Variants in OMA1 observed in about 807,000 individuals in gnomAD.
The protein encoded by OMA1 is metalloendopeptidase OMA1, mitochondrial.
Under a neutral mutation model 30.9 loss-of-function variants are expected in OMA1, and 38 were observed. The ratio of observed to expected loss-of-function variants is 1.23; its 90% CI spans 0.95 to 1.61. The LOEUF (loss-of-function observed/expected upper bound fraction) is 1.61, where lower values mean the gene tolerates loss of function less well. OMA1 is among the 40% of genes most tolerant of loss of function. The pLI, the probability that OMA1 is intolerant of heterozygous loss-of-function variation, is 0.00. For missense variants in OMA1, 461 were observed against 349.2 expected (o/e 1.32, Z -2.55); for synonymous variants, 173 against 121.9 (o/e 1.42, Z -2.76).
chr1:58,541,011 T>C (rs1277107365), intron 1 of OMA1, among the ~76,000 whole-genome samples: 9 of 151,964 alleles, frequency 5.9e-5, no homozygotes, highest in Admixed American at 6.5e-5. Context: ...TATAAATTCA[T>C]TGAAAAACAC....
At chr1:58,520,809 G>A (rs566313287) in intron 7 of OMA1, among the ~76,000 whole-genome samples, 4 of 151,868 alleles carry the variant, frequency 2.6e-5, no homozygotes, top group African/African-American at 9.7e-5. Flanking sequence ...AGATGTACAC[G>A]GCAAAAATTA....
chr1:58,510,920 G>A (rs12070503), intron 7 of OMA1, among the ~76,000 whole-genome samples: 27,048 of 151,922 alleles, frequency 0.18, 2,537 homozygotes, highest in Middle Eastern at 0.23. Flanking sequence ...CTAAGGAGGT[G>A]AAAGCCTTCT....
chr1:58,504,571 G>A (rs1013833524), intron 8 of OMA1, among the ~76,000 whole-genome samples: 10 of 151,632 alleles, frequency 6.6e-5, no homozygotes, highest in Non-Finnish European at 1.3e-4. Context: ...TTTCTTATTT[G>A]CATTACCTAA....
chr1:58,532,456 A>G (rs1040630583), intron 5 of OMA1, among the ~76,000 whole-genome samples: 3 of 152,228 alleles, frequency 2.0e-5, no homozygotes, highest in Admixed American at 1.3e-4. Context: ...TACTTGAAAG[A>G]TATTAGAGTG....
intron 6 of OMA1, among the ~76,000 whole-genome samples, chr1:58,529,366 T>C (rs746578098): frequency 3.6e-4 from 55 of 152,326 alleles, no homozygotes; most frequent in Non-Finnish European, 6.8e-4. Context: ...CAAAGAAAGA[T>C]GTAAAACAAA....
At chr1:58,512,396 T>G (rs1239159300) in intron 7 of OMA1, among the ~76,000 whole-genome samples, 1 of 152,238 alleles carries the variant, frequency 6.6e-6, no homozygotes, top group Non-Finnish European at 1.5e-5. Flanking sequence ...GAAATCCTAC[T>G]TCTGGATATT....
intron 1 of OMA1, among the ~76,000 whole-genome samples, chr1:58,541,318 A>AAAAAAAAAAAAAAAAG (rs1646609307): frequency 7.7e-6 from 1 of 130,578 alleles, no homozygotes; most frequent in Non-Finnish European, 1.7e-5. Context: ...AAAAAAAAAA[A>AAAAAAAAAAAAAAAAG]AAAAAAAAAA....
At chr1:58,487,912 T>A (rs999683130) in intron 8 of OMA1, among the ~76,000 whole-genome samples, 2 of 137,928 alleles carry the variant, frequency 1.5e-5, no homozygotes, top group Non-Finnish European at 3.3e-5. Flanking sequence ...GTACCTCTTC[T>A]CCTGATCCTA....
chr1:58,504,403 G>A (rs1180811407), intron 8 of OMA1, among the ~76,000 whole-genome samples: 1 of 152,168 alleles, frequency 6.6e-6, no homozygotes, highest in African/African-American at 2.4e-5. Flanking sequence ...TAAAGGACTT[G>A]CTCCCGTGCT....
chr1:58,508,690 T>C (rs1646027161), intron 7 of OMA1, among the ~76,000 whole-genome samples: 1 of 152,110 alleles, frequency 6.6e-6, no homozygotes, highest in South Asian at 2.1e-4. Context: ...CTTGTAGCAC[T>C]GATGGAATCT....
intron 7 of OMA1, among the ~76,000 whole-genome samples, chr1:58,515,558 T>C (rs1646146498): frequency 6.6e-6 from 1 of 152,230 alleles, no homozygotes; most frequent in African/African-American, 2.4e-5. Context: ...TTCTGGGTGA[T>C]AAAATTAAGT....
At position 58,480,732 on chromosome 1, in the gene OMA1, A is replaced by G; in HGVS notation, c.*233T>C. 1 of 348,454 alleles carries G rather than the reference A, an allele frequency of 2.9e-6. No homozygotes were observed. The highest frequency in any genetic ancestry group is 5.1e-6 in the Non-Finnish European group (1 of 195,618). The allele number at this position is 348,454 out of a possible 1,614,324, so 21.6% of individuals were successfully genotyped here. On this transcript the variant is annotated 3_prime_UTR_variant, in exon 9 of 9. Transcript: ENST00000371226. ...TAGAAGACAGAGTAAAATGTGTAAT[A>G]TAAATTTATTCTGTGACATTTTCCT...
chr1:58,490,034 C>T (rs1007876899), intron 8 of OMA1, among the ~76,000 whole-genome samples: 5 of 152,164 alleles, frequency 3.3e-5, no homozygotes, highest in African/African-American at 7.2e-5. Flanking sequence ...AATCAGAGTG[C>T]CTCTCCTCCT....
chr1:58,541,614 C>CAAAAAAAAAAAAAAAAAAAAAAAAA (rs60360589), intron 1 of OMA1: 17 of 65,624 alleles, frequency 2.6e-4, no homozygotes, highest in East Asian at 7.1e-4. Context: ...GAGAACCTGT[C>CAAAAAAAAAAAAAAAAAAAAAAAAA]AAAAAAAAAA....
chr1:58,501,195 T>G (rs984801494), intron 8 of OMA1, among the ~76,000 whole-genome samples: 1 of 152,236 alleles, frequency 6.6e-6, no homozygotes, highest in African/African-American at 2.4e-5. Context: ...CACAAGATTA[T>G]ATTTAGGCAA....
rs1198125348 is a variant in OMA1, at chr1:58,516,727, G to A, written c.1216-10518C>T. On this transcript the variant is annotated intron_variant, in intron 7 of 8. Transcript: ENST00000371226. ...ACGTTGAAACCTCATAAATCCAATG[G>A]GACTGCATATGACCAATAGAACCAT... Among the ~76,000 whole-genome samples the A allele has an allele frequency of 3.3e-5, 5 of 152,144 alleles. No homozygotes were observed. In the South Asian group the frequency reaches 6.2e-4, roughly 19 times the overall value.
intron 7 of OMA1, among the ~76,000 whole-genome samples, chr1:58,512,457 T>C (rs914060829): frequency 7.9e-5 from 12 of 152,220 alleles, no homozygotes; most frequent in African/African-American, 1.7e-4. Flanking sequence ...TCCACATTCA[T>C]TGCAGCATTA....
intron 7 of OMA1, among the ~76,000 whole-genome samples, chr1:58,518,123 T>C (rs1646186682): frequency 6.8e-6 from 1 of 147,440 alleles, no homozygotes; most frequent in South Asian, 2.2e-4. Flanking sequence ...GAGGTGGTGG[T>C]TGCTGTGAGC....
intron 8 of OMA1, among the ~76,000 whole-genome samples, chr1:58,484,576 C>G (rs1475557512): frequency 1.3e-5 from 2 of 152,134 alleles, no homozygotes; most frequent in Non-Finnish European, 2.9e-5. Context: ...GAAACTGAGT[C>G]TCAGAGAAGT....
Sources: allele counts gnomAD v4.1 joint callset (sites outside exome capture counted in the v4.1 genomes callset), GRCh38; gene constraint gnomAD v4.1.1; transcripts MANE v1.5; gene names NCBI Gene and HGNC (gene_info 2026-07-23, HGNC 2026-07-21).